TNFAIP6: variants seen among roughly 807,000 people sequenced by gnomAD.
The protein encoded by TNFAIP6 is tumor necrosis factor-inducible gene 6 protein.
TNFAIP6 carries 36 observed loss-of-function variants against 33.7 expected under a neutral mutation model. That is an observed-to-expected ratio of 1.07 (90% CI 0.82 to 1.41). TNFAIP6 has a LOEUF of 1.41. Ranked by LOEUF, TNFAIP6 falls within the 40% of genes most tolerant of loss-of-function variation. The pLI, the probability that TNFAIP6 is intolerant of heterozygous loss-of-function variation, is 0.00. For missense variants in TNFAIP6, 273 were observed against 331.9 expected (o/e 0.82, Z 1.38); for synonymous variants, 113 against 112.8 (o/e 1.00, Z -0.01).
At chr2:151,369,248 T>G (rs186140468) in intron 3 of TNFAIP6, among the ~76,000 whole-genome samples, 2 of 152,290 alleles carry the variant, frequency 1.3e-5, no homozygotes, top group East Asian at 3.9e-4. Context: ...TGTTATGCCT[T>G]AAAAGATAAA....
In TNFAIP6 at chr2:151,366,155, T is replaced by C. The variant is rs779908291; in HGVS notation, c.332T>C (p.Ile111Thr). The C allele has an allele frequency of 1.2e-6, 2 of 1,614,196 alleles. No homozygotes were observed. Among genetic ancestry groups the C allele is most frequent in the Admixed American group, 1.7e-5 (1 of 60,026 alleles). ...TGTGGATTTGGAAAAACTGGCATTATTGATTATGGAATCCGTCTCAATAGG... is the reference window on the plus strand; with the variant it reads ...TGTGGATTTGGAAAAACTGGCATTACTGATTATGGAATCCGTCTCAATAGG... The part of the protein sequence containing the change: ...PNCGFGKTGI[I>T]DYGIRLNRSE... The change falls in exon 3 of 6, where the codon ATT becomes ACT. Residue 111 changes from isoleucine (I) to threonine (T), a missense_variant. Coordinates refer to ENST00000243347, the MANE Select transcript of TNFAIP6 (RefSeq NM_007115.4).
At chr2:151,373,662 T>A (rs1263696046) in intron 5 of TNFAIP6, 73 bp downstream of exon 5, 7 of 805,316 alleles carry the variant, frequency 8.7e-6, no homozygotes, top group Non-Finnish European at 1.3e-5. Flanking sequence ...AGGGACACTG[T>A]TAAATAGTAA....
chr2:151,379,561 A>T lies in TNFAIP6; in HGVS notation c.*28A>T. The T allele has an allele frequency of 2.0e-6, 3 of 1,469,982 alleles. No individual in the cohort carries two copies. The highest frequency in any genetic ancestry group is 2.7e-6 in the Non-Finnish European group (3 of 1,097,400). The allele number at this position is 1,469,982 out of a possible 1,614,324, so 91.1% of individuals were successfully genotyped here. A position where few individuals can be genotyped will look rare whatever the true frequency, so the allele number is the denominator to read the frequency against. On this transcript the variant is annotated 3_prime_UTR_variant, in exon 6 of 6. Coordinates refer to ENST00000243347, the MANE Select transcript of TNFAIP6 (RefSeq NM_007115.4). ...AAAAAAAAAAGGATGATCAAAACAC[A>T]CAGTGTTTATGTTGGAATCTTTTGG...
intron 1 of TNFAIP6, among the ~76,000 whole-genome samples, chr2:151,362,497 T>TTTC (rs1684642178): frequency 8.2e-6 from 1 of 122,134 alleles, no homozygotes; most frequent in Non-Finnish European, 1.7e-5. Flanking sequence ...TTTTTTTTTT[T>TTTC]TTTTTTTTTT....
rs779908291 is a variant in TNFAIP6 at position 151,366,155 on chromosome 2, T to A, written c.332T>A (p.Ile111Asn). ...PNCGFGKTGI[I>N]DYGIRLNRSE... ...TGTGGATTTGGAAAAACTGGCATTA[T>A]TGATTATGGAATCCGTCTCAATAGG... The change falls in exon 3 of 6, where the codon ATT becomes AAT. Residue 111 changes from isoleucine to asparagine, a missense_variant. Transcript: ENST00000243347. 1.2e-6 allele frequency: 2 copies of A among 1,614,196 alleles called. No homozygotes were observed. Among genetic ancestry groups the A allele is most frequent in the South Asian group, 1.1e-5 (1 of 91,088 alleles).
At chr2:151,362,719 T>C (rs964200015) in intron 1 of TNFAIP6, among the ~76,000 whole-genome samples, 4 of 152,176 alleles carry the variant, frequency 2.6e-5, no homozygotes, top group East Asian at 1.9e-4. Flanking sequence ...CTAGATCTCC[T>C]GACCTCGTGA....
At chr2:151,373,490 T>G in intron 4 of TNFAIP6, 59 bp from the exon 5 acceptor site, 1 of 1,022,998 alleles carries the variant, frequency 9.8e-7, no homozygotes, top group South Asian at 2.1e-5. Flanking sequence ...TAACAGCCAC[T>G]TTACTAGCTG....
chr2:151,369,774 C>G (rs757791040), intron 3 of TNFAIP6, among the ~76,000 whole-genome samples: 16 of 151,874 alleles, frequency 1.1e-4, no homozygotes, highest in Non-Finnish European at 2.1e-4. Flanking sequence ...GATCTTGTCT[C>G]AAAATATAAA....
chr2:151,363,237 AC>A, intron 1 of TNFAIP6, among the ~76,000 whole-genome samples: 1 of 152,034 alleles, frequency 6.6e-6, no homozygotes, highest in Non-Finnish European at 1.5e-5. Flanking sequence ...AATCGCTTGA[AC>A]CCAGGAGGCG....
At chr2:151,359,639 T>C (rs370957700) in intron 1 of TNFAIP6, among the ~76,000 whole-genome samples, 20 of 152,252 alleles carry the variant, frequency 1.3e-4, no homozygotes, top group African/African-American at 3.4e-4. Flanking sequence ...CCGCCCACCT[T>C]GGCCTCCCAA....
At chr2:151,359,385 A>C (rs918633848) in intron 1 of TNFAIP6, among the ~76,000 whole-genome samples, 1 of 124,512 alleles carries the variant, frequency 8.0e-6, no homozygotes, top group African/African-American at 3.1e-5. Flanking sequence ...GGCAACTCAT[A>C]ATTTTTTTTT....
chr2:151,381,057 T>C (rs971014091), downstream of TNFAIP6, among the ~76,000 whole-genome samples: 2 of 152,164 alleles, frequency 1.3e-5, no homozygotes, highest in Non-Finnish European at 1.5e-5. Context: ...AGTATGACAC[T>C]TTGGGATACT....
At chr2:151,368,465 G>C (rs1437287409) in intron 3 of TNFAIP6, 2 of 150,988 alleles carry the variant, frequency 1.3e-5, no homozygotes, top group African/African-American at 4.9e-5. Flanking sequence ...ATTAACCAGG[G>C]CTTCTTCCTA....
At chr2:151,377,807 A>C (rs972072285) in intron 5 of TNFAIP6, among the ~76,000 whole-genome samples, 3 of 150,686 alleles carry the variant, frequency 2.0e-5, no homozygotes, top group African/African-American at 7.3e-5. Context: ...TTTTTTTTTT[A>C]TATTTAGGCA....
In TNFAIP6 at chr2:151,379,531, T is replaced by TA. The variant is rs35060021; in HGVS notation, c.*12dup. The change falls in exon 6 of 6, where the codon TAA becomes TAAA. Residue 278 remains the stop codon, a frameshift_variant and stop_retained_variant. Transcript: ENST00000243347. LOFTEE classifies it high-confidence loss of function. ...TTTAGCTGGAAGATTTAGCCACTTA[T>TA]AAAAAAAAAAAAAAGGATGATCAAA... ...NFLAGRFSHL[*] is the part of the protein sequence containing the mutation. The TA allele has an allele frequency of 0.015, 19,685 of 1,314,680 alleles. 2 individuals carry two copies. The highest frequency in any genetic ancestry group is 0.021 in the Admixed American group (776 of 37,054). 81.4% of individuals were successfully genotyped at this position (1,314,680 alleles called of 1,614,324 possible).
chr2:151,357,892 T>C (rs1684562568), intron 1 of TNFAIP6, 132 bp downstream of exon 1: 4 of 550,542 alleles, frequency 7.3e-6, no homozygotes, highest in South Asian at 3.0e-5. Flanking sequence ...TTAGGAAAGA[T>C]AGCCTTTGGA....
chr2:151,362,342 A>C (rs1684637683), intron 1 of TNFAIP6, among the ~76,000 whole-genome samples: 1 of 152,138 alleles, frequency 6.6e-6, no homozygotes, highest in Non-Finnish European at 1.5e-5. Flanking sequence ...TCAGATAAAA[A>C]ATTGAGGCAT....
Position 151,364,072 on chromosome 2 carries a change from G to A in TNFAIP6, c.224G>A (p.Arg75Lys). 1.2e-6 allele frequency: 2 copies of A among 1,612,096 alleles called. No individual in the cohort carries two copies. The highest frequency in any genetic ancestry group is 1.7e-6 in the Non-Finnish European group (2 of 1,179,552). ...ACTTACAAGCAGCTAGAGGCAGCCAGAAAAATTGGTAACTGATTTCACAAT... is the reference window on the plus strand; with the variant it reads ...ACTTACAAGCAGCTAGAGGCAGCCAAAAAAATTGGTAACTGATTTCACAAT... ...LATYKQLEAA[R>K]KIGFHVCAAG... The change falls in exon 2 of 6, where the codon AGA becomes AAA. Residue 75 changes from arginine to lysine, a missense_variant. Physicochemically the swap from Arg to Lys is conservative, Grantham distance 26. Coordinates refer to ENST00000243347, the MANE Select transcript of TNFAIP6 (RefSeq NM_007115.4).
rs150253672 is a variant in TNFAIP6 at position 151,364,050 on chromosome 2, T to C, written c.202T>C (p.Tyr68His). 444 of 1,614,110 alleles carry C rather than the reference T, an allele frequency of 2.8e-4. 1 individual carries two copies. The African/African-American group carries it at 4.7e-3, about 17-fold the overall frequency. ...ATTTGAAGGCGGCCATCTCGCAACT[T>C]ACAAGCAGCTAGAGGCAGCCAGAAA... ...CEFEGGHLATYKQLEAARKIG... is the reference protein window; with the variant it reads ...CEFEGGHLATHKQLEAARKIG... Residue 68 changes from tyrosine (Y) to histidine (H), a missense_variant, in exon 2 of 6, where the codon TAC becomes CAC. Transcript: ENST00000243347.
Sources: gnomAD v4.1 joint callset for allele counts (sites outside exome capture counted in the v4.1 genomes callset) on GRCh38, gnomAD v4.1.1 for gene constraint, MANE v1.5 for transcripts, NCBI Gene and HGNC (gene_info 2026-07-23, HGNC 2026-07-21) for gene names.